Variants in CNTN4 observed in about 807,000 individuals in gnomAD.
The protein encoded by CNTN4 is contactin 4, also known as contactin-4.
A neutral mutation model predicts 122.5 loss-of-function variants in CNTN4; 77 were observed. The ratio of observed to expected loss-of-function variants is 0.63; its 90% confidence interval spans 0.52 to 0.76. The LOEUF (loss-of-function observed/expected upper bound fraction) is 0.76, where lower values mean the gene tolerates loss of function less well. Among genes scored for constraint, CNTN4 ranks in the 30% least tolerant of loss-of-function variants. The probability of loss-of-function intolerance (pLI) is 0.00; values close to 1 mark genes in which losing one functional copy is unlikely to be tolerated. For missense variants in CNTN4, 1,256 were observed against 1,259.1 expected (o/e 1.00, Z 0.04); for synonymous variants, 512 against 447.0 (o/e 1.15, Z -1.83).
intron 14 of CNTN4, among the ~76,000 whole-genome samples, chr3:2,990,354 T>G (rs911562445): frequency 6.6e-6 from 1 of 152,122 alleles, no homozygotes; most frequent in African/African-American, 2.4e-5. Flanking sequence ...CCCAATAGAA[T>G]AATTAGCATA....
chr3:2,328,473 C>T (rs562078655), intron 2 of CNTN4, among the ~76,000 whole-genome samples: 91 of 152,270 alleles, frequency 6.0e-4, no homozygotes, highest in African/African-American at 2.1e-3. Flanking sequence ...AATAATCTCG[C>T]ATCATGTAAA....
intron 3 of CNTN4, among the ~76,000 whole-genome samples, chr3:2,422,069 A>G (rs989966010): frequency 6.6e-6 from 1 of 152,234 alleles, no homozygotes; most frequent in African/African-American, 2.4e-5. Context: ...TCAGAAAATA[A>G]AATAGTAAAA....
chr3:2,766,180 T>C (rs115103144), intron 6 of CNTN4, among the ~76,000 whole-genome samples: 4,758 of 152,324 alleles, frequency 0.031, 92 homozygotes, highest in South Asian at 0.047. Flanking sequence ...CCTTCTTCAG[T>C]GACTGCCTCT....
intron 3 of CNTN4, among the ~76,000 whole-genome samples, chr3:2,400,978 T>C (rs1236230808): frequency 6.6e-6 from 1 of 150,534 alleles, no homozygotes; most frequent in Admixed American, 6.6e-5. Flanking sequence ...ATTGGGAAAT[T>C]AGCACATTAC....
chr3:2,278,998 A>G (rs1006055002), intron 2 of CNTN4, among the ~76,000 whole-genome samples: 1 of 151,994 alleles, frequency 6.6e-6, no homozygotes, highest in African/African-American at 2.4e-5. Flanking sequence ...ATGCCCATCA[A>G]GTTAAAATTA....
At chr3:2,897,638 A>G (rs1281116199) in intron 10 of CNTN4, among the ~76,000 whole-genome samples, 1 of 152,184 alleles carries the variant, frequency 6.6e-6, no homozygotes, top group Non-Finnish European at 1.5e-5. Context: ...TATGTTTTAG[A>G]TATACCTTAT....
chr3:3,054,636 A>G (rs879631021), intron 24 of CNTN4, among the ~76,000 whole-genome samples: 8 of 152,128 alleles, frequency 5.3e-5, no homozygotes, highest in Non-Finnish European at 8.8e-5. Context: ...TAAAGAAAAA[A>G]AACAAAATAG....
chr3:2,541,937 AG>A (rs1318100588), intron 3 of CNTN4, among the ~76,000 whole-genome samples: 1 of 152,134 alleles, frequency 6.6e-6, no homozygotes, highest in Non-Finnish European at 1.5e-5. Flanking sequence ...TGAAACTAAA[AG>A]GCACTGCACA....
chr3:2,253,132 T>C (rs1050695769), intron 2 of CNTN4, among the ~76,000 whole-genome samples: 9 of 121,494 alleles, frequency 7.4e-5, no homozygotes, highest in African/African-American at 2.3e-4. Flanking sequence ...TTCAATTGAA[T>C]TGAAATTGGT....
intron 6 of CNTN4, among the ~76,000 whole-genome samples, chr3:2,817,945 G>T (rs749969923): frequency 2.4e-4 from 36 of 152,188 alleles, no homozygotes; most frequent in Non-Finnish European, 4.9e-4. Context: ...CTCACCTGGT[G>T]TCCATTGAAT....
rs375252183 is a variant in CNTN4, at chr3:2,941,005, G to T, written c.1358+15226G>T. 6.6e-5 allele frequency among the ~76,000 whole-genome samples: 10 copies of T among 152,278 alleles called. No individual in the cohort carries two copies. The South Asian group carries it at 1.9e-3, about 28-fold the overall frequency. On this transcript the variant is annotated intron_variant, in intron 13 of 24. Coordinates refer to ENST00000418658, the MANE Select transcript of CNTN4 (RefSeq NM_175607.3). The stretch of plus-strand genomic sequence containing the variant: ...TCCAAAAGAGGTGGTTTGTTCCAAA[G>T]GATGCATAAAATTGTTATAGAAAAA...
rs2150523166 is a variant in CNTN4, at chr3:2,841,874, G to C, written c.454+22293G>C. Among the ~76,000 whole-genome samples, 1 of 150,078 alleles carries C rather than the reference G, an allele frequency of 6.7e-6. No individual in the cohort carries two copies. Among genetic ancestry groups the C allele is most frequent in the South Asian group, 2.1e-4 (1 of 4,826 alleles). ...GTAGGATCTAATCTTTTATATCACA[G>C]TAAGAAGCTGATCAAAGGTGTTGAA... On this transcript the variant is annotated intron_variant, in intron 7 of 24. Transcript: ENST00000418658. This position sits in a 1 kb window ranked among gnomAD's most constrained non-coding sequence, Gnocchi z 4.8.
chr3:2,793,616 T>C (rs942863520), intron 6 of CNTN4, among the ~76,000 whole-genome samples: 1 of 152,206 alleles, frequency 6.6e-6, no homozygotes, highest in African/African-American at 2.4e-5. Context: ...GTTTTGATAG[T>C]ATCATTTCTT....
At chr3:2,612,383 G>C (rs908906444) in intron 4 of CNTN4, among the ~76,000 whole-genome samples, 17 of 151,964 alleles carry the variant, frequency 1.1e-4, no homozygotes, top group African/African-American at 3.6e-4. Context: ...ATTGAATACT[G>C]TACAGAAACT....
At position 2,201,174 on chromosome 3, in the gene CNTN4, C is replaced by T. The variant is rs2038080370; in HGVS notation, c.-145+100535C>T. Among the ~76,000 whole-genome samples the T allele has an allele frequency of 1.3e-5, 2 of 152,112 alleles. 1 individual carries two copies. Among genetic ancestry groups the T allele is most frequent in the Non-Finnish European group, 2.9e-5 (2 of 68,012 alleles). On this transcript the variant is annotated intron_variant, in intron 2 of 24. Coordinates refer to ENST00000418658, the MANE Select transcript of CNTN4 (RefSeq NM_175607.3). ...CACTAAGCTCTTGTTAGTAACCTCC[C>T]ACAGGACAGGGCATTTGCCCTCCAG...
At chr3:2,152,914 G>A (rs978107406) in intron 2 of CNTN4, among the ~76,000 whole-genome samples, 14 of 152,180 alleles carry the variant, frequency 9.2e-5, no homozygotes, top group Admixed American at 1.3e-4. Context: ...GACCCCAAGT[G>A]AATGCAAGTG....
intron 2 of CNTN4, among the ~76,000 whole-genome samples, chr3:2,247,027 T>G (rs542442453): frequency 7.2e-5 from 11 of 152,136 alleles, no homozygotes; most frequent in African/African-American, 2.6e-4. Context: ...AAGCATAGAA[T>G]GGGAAATGAA....
At chr3:3,047,214 TCAA>T (rs1296300838) in intron 23 of CNTN4, among the ~76,000 whole-genome samples, 1 of 151,876 alleles carries the variant, frequency 6.6e-6, no homozygotes, top group Non-Finnish European at 1.5e-5. Context: ...ATCAGACAGA[TCAA>T]CGAGACAGAA....
intron 6 of CNTN4, among the ~76,000 whole-genome samples, chr3:2,753,527 T>A (rs2090195680): frequency 6.6e-6 from 1 of 152,196 alleles, no homozygotes; most frequent in African/African-American, 2.4e-5. Context: ...GAAATAACTT[T>A]CACCAAGGAT....
Sources: allele counts gnomAD v4.1 joint callset (sites outside exome capture counted in the v4.1 genomes callset), GRCh38; gene constraint gnomAD v4.1.1; non-coding constraint Gnocchi (gnomAD v3.1); transcripts MANE v1.5; gene names NCBI Gene and HGNC (gene_info 2026-07-23, HGNC 2026-07-21).